ITGB8: variants seen among roughly 807,000 people sequenced by gnomAD.
ITGB8 encodes integrin subunit beta 8.
In ITGB8, 30 loss-of-function variants were observed where a neutral mutation model predicts 89.5. The ratio of observed to expected loss-of-function variants is 0.34; its 90% CI spans 0.25 to 0.45. The LOEUF (loss-of-function observed/expected upper bound fraction) is 0.45, where lower values mean the gene tolerates loss of function less well. Among genes scored for constraint, ITGB8 ranks in the 20% least tolerant of loss-of-function variants. The pLI is 1.00. For synonymous variants in ITGB8, 335 were observed against 320.4 expected (o/e 1.05, Z -0.49); for missense variants, 836 against 933.3 (o/e 0.90, Z 1.36).
At chr7:20,385,956 A>T (rs939540757) in intron 6 of ITGB8, among the ~76,000 whole-genome samples, 6 of 152,176 alleles carry the variant, frequency 3.9e-5, no homozygotes, top group Non-Finnish European at 5.9e-5. Context: ...TAATAAAGAG[A>T]TCTGTTAATT....
At chr7:20,332,107 A>G in intron 1 of ITGB8, 174 bp downstream of exon 1, 1 of 1,337,144 alleles carries the variant, frequency 7.5e-7, no homozygotes, top group Non-Finnish European at 9.8e-7. Context: ...GCCAGGTGTC[A>G]AGCATTTCTG....
chr7:20,380,113 T>C (rs2107130), intron 4 of ITGB8: 17,361 of 153,060 alleles, frequency 0.11, 1,204 homozygotes, highest in East Asian at 0.4. Context: ...ATCAATGGAG[T>C]TTCATAAGCC....
chr7:20,352,857 G>A (rs78184498), intron 1 of ITGB8: 1 of 152,198 alleles, frequency 6.6e-6, no homozygotes, highest in African/African-American at 2.4e-5. Flanking sequence ...AGGTTAAAAA[G>A]TGTCTCAGTG....
chr7:20,383,922 C>T (rs1786504215), intron 6 of ITGB8, among the ~76,000 whole-genome samples: 1 of 152,082 alleles, frequency 6.6e-6, no homozygotes, highest in Non-Finnish European at 1.5e-5. Context: ...TAGAAGGATA[C>T]TTTTATTTTA....
chr7:20,353,404 A>G (rs1297343709), intron 1 of ITGB8: 1 of 152,214 alleles, frequency 6.6e-6, no homozygotes. Context: ...AACTGGCATT[A>G]CAAGAAAATT....
At chr7:20,386,085 C>T (rs1328044619) in intron 6 of ITGB8, among the ~76,000 whole-genome samples, 1 of 152,144 alleles carries the variant, frequency 6.6e-6, no homozygotes, top group Non-Finnish European at 1.5e-5. Flanking sequence ...TCATGGAACA[C>T]TTATTTTGTG....
In ITGB8 at chr7:20,331,261, C is replaced by G. The variant is rs912585564; in HGVS notation, c.-546C>G. The G allele has an allele frequency of 3.3e-6, 1 of 305,770 alleles. No individual in the cohort carries two copies. The highest frequency in any genetic ancestry group is 6.0e-6 in the Non-Finnish European group (1 of 167,588). The allele number at this position is 305,770 out of a possible 1,614,324, so 18.9% of individuals were successfully genotyped here. ...TAATGGTGTTGGCCTCCCTGCCCAC[C>G]TGTGGAAGCAACTGCGCTGATTGAT... is the stretch of plus-strand genomic sequence containing the variant. On this transcript the variant is annotated 5_prime_UTR_variant, in exon 1 of 14. Transcript: ENST00000222573.
At chr7:20,388,409 A>G (rs1178745376) in intron 6 of ITGB8, among the ~76,000 whole-genome samples, 2 of 152,324 alleles carry the variant, frequency 1.3e-5, no homozygotes, top group Non-Finnish European at 2.9e-5. Flanking sequence ...AAAAGATAAA[A>G]TACTTTTTTG....
intron 1 of ITGB8, chr7:20,352,870 G>C (rs1486898406): frequency 1.3e-5 from 2 of 152,240 alleles, no homozygotes; most frequent in Non-Finnish European, 2.9e-5. Flanking sequence ...TCTCAGTGTA[G>C]TTCATAAATT....
In ITGB8 at chr7:20,412,447, C is replaced by T. The variant is rs1200054574; in HGVS notation, c.*2450C>T. 1 of 152,392 alleles carries T rather than the reference C, an allele frequency of 6.6e-6. No homozygotes were observed. The highest frequency in any genetic ancestry group is 1.5e-5 in the Non-Finnish European group (1 of 68,002). The allele number at this position is 152,392 out of a possible 1,614,324, so 9.4% of individuals were successfully genotyped here. ...AGATGATGACAATTTTTGAAATGAA[C>T]ATTATGATATTTATGAACAATAAAC... On this transcript the variant is annotated 3_prime_UTR_variant, in exon 14 of 14. Coordinates refer to ENST00000222573, the MANE Select transcript of ITGB8 (RefSeq NM_002214.3).
intron 12 of ITGB8, among the ~76,000 whole-genome samples, chr7:20,407,386 A>G (rs1433361687): frequency 1.3e-5 from 2 of 152,242 alleles, no homozygotes; most frequent in South Asian, 2.1e-4. Context: ...AACAAAAGTT[A>G]TTTAGAACCC....
At chr7:20,375,156 C>T (rs913395396) in intron 3 of ITGB8, among the ~76,000 whole-genome samples, 13 of 151,472 alleles carry the variant, frequency 8.6e-5, no homozygotes, top group African/African-American at 3.2e-4. Context: ...AACATAGTGT[C>T]GAAATTAACC....
intron 1 of ITGB8, chr7:20,353,156 T>C (rs1049664044): frequency 2.0e-5 from 3 of 152,236 alleles, no homozygotes; most frequent in African/African-American, 7.2e-5. Context: ...GGCAGACTAA[T>C]GGAATGCATT....
rs1345263437 is a variant in ITGB8 at position 20,331,253 on chromosome 7, C to A, written c.-554C>A. 2 of 288,196 alleles carry A rather than the reference C, an allele frequency of 6.9e-6. No individual in the cohort carries two copies. Among genetic ancestry groups the A allele is most frequent in the Non-Finnish European group, 1.3e-5 (2 of 156,432 alleles). The allele number at this position is 288,196 out of a possible 1,614,324, so 17.9% of individuals were successfully genotyped here. On this transcript the variant is annotated 5_prime_UTR_variant, in exon 1 of 14. In the 5' UTR this introduces an upstream ATG that the reference lacks. Coordinates refer to ENST00000222573, the MANE Select transcript of ITGB8 (RefSeq NM_002214.3). ...GCTGCAACTAATGGTGTTGGCCTCC[C>A]TGCCCACCTGTGGAAGCAACTGCGC... is the stretch of plus-strand genomic sequence containing the variant.
Position 20,411,401 on chromosome 7 carries a change from C to T in ITGB8, c.*1404C>T, listed in dbSNP as rs1223127548. On this transcript the variant is annotated 3_prime_UTR_variant, in exon 14 of 14. Coordinates refer to ENST00000222573, the MANE Select transcript of ITGB8 (RefSeq NM_002214.3). ...AACTCCTGACCTCAGGTGATCTACC[C>T]TCCTCGGCCTCCCAGAGTGTTGGGA... 6.6e-6 allele frequency: 1 copy of T among 152,210 alleles called. No homozygotes were observed. Among genetic ancestry groups the T allele is most frequent in the Non-Finnish European group, 1.5e-5 (1 of 68,132 alleles). 9.4% of individuals were successfully genotyped at this position (152,210 alleles called of 1,614,324 possible).
Position 20,331,705 on chromosome 7 carries a change from C to T in ITGB8, c.-102C>T, listed in dbSNP as rs1583455809. 10 of 1,384,634 alleles carry T rather than the reference C, an allele frequency of 7.2e-6. No homozygotes were observed. The highest frequency in any genetic ancestry group is 6.0e-5 in the African/African-American group (4 of 67,202). The allele number at this position is 1,384,634 out of a possible 1,614,324, so 85.8% of individuals were successfully genotyped here. A position where few individuals can be genotyped will look rare whatever the true frequency, so the allele number is the denominator to read the frequency against. ...GCCTGCTAGGCCTGCGGAAAACGTC[C>T]TAGCGACACTCGGCCCGCGGGCCCC... On this transcript the variant is annotated 5_prime_UTR_variant, in exon 1 of 14. Transcript: ENST00000222573.
At chr7:20,405,166 T>G (rs1248741445) in intron 11 of ITGB8, among the ~76,000 whole-genome samples, 1 of 152,072 alleles carries the variant, frequency 6.6e-6, no homozygotes, top group African/African-American at 2.4e-5. Context: ...GTGCCTCAGT[T>G]TCCTGATATC....
chr7:20,414,566 G>A lies in ITGB8; in HGVS notation c.*4569G>A, dbSNP rs1269118873. On this transcript the variant is annotated 3_prime_UTR_variant, in exon 14 of 14. Coordinates refer to ENST00000222573, the MANE Select transcript of ITGB8 (RefSeq NM_002214.3). The stretch of plus-strand genomic sequence containing the variant: ...GCATCTTACATGTCTTGTATCAATG[G>A]CAGGAGAAAAATATGATAAAAACAA... The A allele has an allele frequency of 6.6e-6, 1 of 152,424 alleles. No homozygotes were observed. Among genetic ancestry groups the A allele is most frequent in the Non-Finnish European group, 1.5e-5 (1 of 67,968 alleles). The allele number at this position is 152,424 out of a possible 1,614,324, so 9.4% of individuals were successfully genotyped here. A position where few individuals can be genotyped will look rare whatever the true frequency, so the allele number is the denominator to read the frequency against.
chr7:20,338,219 G>A (rs975407688), intron 1 of ITGB8, among the ~76,000 whole-genome samples: 1 of 152,142 alleles, frequency 6.6e-6, no homozygotes, highest in Admixed American at 6.6e-5. Flanking sequence ...TTTTACCTAT[G>A]GGTTTCTTTG....
Sources: allele counts gnomAD v4.1 joint callset (sites outside exome capture counted in the v4.1 genomes callset), GRCh38; gene constraint gnomAD v4.1.1; transcripts MANE v1.5; gene names NCBI Gene and HGNC (gene_info 2026-07-23, HGNC 2026-07-21).